Variants in LMBR1 observed in about 807,000 individuals in gnomAD.
LMBR1 encodes the protein limb region 1 protein homolog.
Under a neutral mutation model 73.9 loss-of-function variants are expected in LMBR1, and 52 were observed. The ratio of observed to expected loss-of-function variants is 0.70; its 90% CI spans 0.56 to 0.89. The LOEUF is 0.89. Ranked by LOEUF, LMBR1 falls within the 40% of genes least tolerant of loss-of-function variation. The pLI, the probability that LMBR1 is intolerant of heterozygous loss-of-function variation, is 0.00. For synonymous variants in LMBR1, 215 were observed against 209.4 expected, an observed-to-expected ratio of 1.03 and a Z score of -0.23; for missense variants, 539 against 579.8, an observed-to-expected ratio of 0.93 and a Z score of 0.72.
In LMBR1 at chr7:156,893,183, T is replaced by A. The variant is rs1803501810; in HGVS notation, c.-190A>T. On this transcript the variant is annotated 5_prime_UTR_variant, in exon 1 of 17. Transcript: ENST00000353442. ...GCAGCCTCAGACGAGCAGCTCTGACTAAGGGAGGGCGGGCGCCGCGCAGTC... is the reference window on the plus strand; with the variant it reads ...GCAGCCTCAGACGAGCAGCTCTGACAAAGGGAGGGCGGGCGCCGCGCAGTC... 1.3e-5 allele frequency: 5 copies of A among 399,894 alleles called. No homozygotes were observed. The highest frequency in any genetic ancestry group is 2.1e-5 in the Non-Finnish European group (5 of 242,456). The allele number at this position is 399,894 out of a possible 1,614,324, so 24.8% of individuals were successfully genotyped here.
At chr7:156,689,427 T>G (rs555497882) in intron 15 of LMBR1, among the ~76,000 whole-genome samples, 2 of 152,354 alleles carry the variant, frequency 1.3e-5, no homozygotes, top group Non-Finnish European at 2.9e-5. Flanking sequence ...TACTCAATTT[T>G]ACATTATCAG....
chr7:156,680,145 A>C lies in LMBR1; in HGVS notation c.*3933T>G, dbSNP rs1804753218. ...AATTTTTACCTAAACAATATTCAAA[A>C]ACCAAAAAAAAAAAAAACTCCAAAA... On this transcript the variant is annotated 3_prime_UTR_variant, in exon 17 of 17. Coordinates refer to ENST00000353442, the MANE Select transcript of LMBR1 (RefSeq NM_022458.4). 1 of 145,040 alleles carries C rather than the reference A, an allele frequency of 6.9e-6. No homozygotes were observed. The highest frequency in any genetic ancestry group is 1.5e-5 in the Non-Finnish European group (1 of 66,956). 9.0% of individuals were successfully genotyped at this position (145,040 alleles called of 1,614,324 possible).
chr7:156,843,564 G>A (rs1046281010), intron 1 of LMBR1, among the ~76,000 whole-genome samples: 4 of 152,150 alleles, frequency 2.6e-5, no homozygotes, highest in African/African-American at 9.7e-5. Flanking sequence ...ATCCAGGGAA[G>A]GCTGGGTGCA....
intron 15 of LMBR1, among the ~76,000 whole-genome samples, chr7:156,700,725 C>A: frequency 6.6e-6 from 1 of 152,116 alleles, no homozygotes; most frequent in East Asian, 1.9e-4. Context: ...TTCTTCTGAG[C>A]CCTCCAAACT....
chr7:156,702,247 TA>T (rs1809917447), intron 15 of LMBR1, among the ~76,000 whole-genome samples: 1 of 152,222 alleles, frequency 6.6e-6, no homozygotes, highest in Non-Finnish European at 1.5e-5. Flanking sequence ...AACAACAGTG[TA>T]AAAGTGTTCC....
chr7:156,768,815 G>A (rs1263384178), intron 5 of LMBR1, among the ~76,000 whole-genome samples: 1 of 152,164 alleles, frequency 6.6e-6, no homozygotes, highest in East Asian at 1.9e-4. Context: ...TGCCAGGCTA[G>A]AGAGTCACAT....
At chr7:156,671,134 A>G (rs79556648) in intron 4 of LMBR1, among the ~76,000 whole-genome samples, 2,750 of 152,330 alleles carry the variant, frequency 0.018, 85 homozygotes, top group African/African-American at 0.063. Flanking sequence ...AACCTTCAAA[A>G]CAGTAAAGAG....
rs1318089338 is a variant in LMBR1 at position 156,688,200 on chromosome 7, A to G, written c.1226-9T>C. On this transcript the variant is annotated splice_polypyrimidine_tract_variant and intron_variant, in intron 15 of 16. Transcript: ENST00000353442. ...ATCAAATCTAGTGATTCCTGTTAAA[A>G]ATAAATAAAATAGCCCTTAATGAAA... 1 of 1,575,142 alleles carries G rather than the reference A, an allele frequency of 6.3e-7. No homozygotes were observed. The highest frequency in any genetic ancestry group is 2.3e-5 in the East Asian group (1 of 44,174).
At chr7:156,690,393 T>C (rs1394369772) in intron 15 of LMBR1, among the ~76,000 whole-genome samples, 3 of 152,244 alleles carry the variant, frequency 2.0e-5, no homozygotes, top group South Asian at 2.1e-4. Flanking sequence ...CACTGGTATA[T>C]GCTCTGTGGT....
intron 16 of LMBR1, among the ~76,000 whole-genome samples, chr7:156,684,995 A>C (rs1805705500): frequency 6.6e-6 from 1 of 152,210 alleles, no homozygotes; most frequent in South Asian, 2.1e-4. Flanking sequence ...TGCCCCTTAC[A>C]CACATGCAGG....
In LMBR1 at chr7:156,670,867, C is replaced by T. The variant is rs1802329963; in HGVS notation, n.867-1580G>A. Among the ~76,000 whole-genome samples the T allele has an allele frequency of 6.6e-6, 1 of 152,114 alleles. No homozygotes were observed. Among genetic ancestry groups the T allele is most frequent in the Non-Finnish European group, 1.5e-5 (1 of 68,034 alleles). On this transcript the variant is annotated intron_variant and non_coding_transcript_variant, in intron 4 of 4. Transcript: ENST00000430825. This position sits in a 1 kb window ranked among gnomAD's most constrained non-coding sequence, Gnocchi z 4.3. ...CCTTGCATGAGGAAGGAAAATGGCC[C>T]CAGACGGGAAATCTGAGATGTCAGT...
At chr7:156,758,847 A>G (rs557176674) in intron 8 of LMBR1, among the ~76,000 whole-genome samples, 91 of 152,332 alleles carry the variant, frequency 6.0e-4, no homozygotes, top group South Asian at 1.0e-3. Context: ...AATAACACAC[A>G]TATATTTGTG....
At chr7:156,865,180 G>A (rs558175324) in intron 1 of LMBR1, among the ~76,000 whole-genome samples, 3 of 152,064 alleles carry the variant, frequency 2.0e-5, no homozygotes, top group South Asian at 2.1e-4. Flanking sequence ...GATGTTGCAC[G>A]CCTGTAGTCT....
chr7:156,726,779 T>C (rs1815858091), intron 12 of LMBR1, among the ~76,000 whole-genome samples: 1 of 152,060 alleles, frequency 6.6e-6, no homozygotes, highest in Non-Finnish European at 1.5e-5. Context: ...TCTGTCTCCT[T>C]CTCCTGCGAA....
At chr7:156,758,491 G>A (rs1371674696) in intron 8 of LMBR1, among the ~76,000 whole-genome samples, 1 of 152,204 alleles carries the variant, frequency 6.6e-6, no homozygotes, top group Non-Finnish European at 1.5e-5. Context: ...GACCCTGTAG[G>A]AAGTATTTGG....
chr7:156,820,450 A>AT (rs1323567990), intron 4 of LMBR1, among the ~76,000 whole-genome samples: 2 of 152,146 alleles, frequency 1.3e-5, no homozygotes, highest in Admixed American at 6.5e-5. Context: ...TATGTTGACG[A>AT]TATTTTGCTG....
At chr7:156,686,486 A>G (rs550411288) in intron 16 of LMBR1, among the ~76,000 whole-genome samples, 40 of 152,342 alleles carry the variant, frequency 2.6e-4, no homozygotes, top group African/African-American at 9.4e-4. Flanking sequence ...CATATACTTA[A>G]TAAGACTCTT....
chr7:156,689,772 C>T (rs1473911376), intron 15 of LMBR1, among the ~76,000 whole-genome samples: 2 of 152,204 alleles, frequency 1.3e-5, no homozygotes, highest in Non-Finnish European at 2.9e-5. Context: ...TGACAACAAT[C>T]TTGGCTACAG....
At chr7:156,703,008 AAG>A in intron 15 of LMBR1, among the ~76,000 whole-genome samples, 1 of 152,364 alleles carries the variant, frequency 6.6e-6, no homozygotes, top group African/African-American at 2.4e-5. Flanking sequence ...GGAAGAGTGT[AAG>A]TGAGTGTCCT....
Sources: allele counts gnomAD v4.1 joint callset (sites outside exome capture counted in the v4.1 genomes callset), GRCh38; gene constraint gnomAD v4.1.1; non-coding constraint Gnocchi (gnomAD v3.1); transcripts MANE v1.5; gene names NCBI Gene and HGNC (gene_info 2026-07-23, HGNC 2026-07-21).